Variants in PREX1 observed in about 807,000 individuals in gnomAD.
PREX1 encodes the protein phosphatidylinositol-3,4,5-trisphosphate dependent Rac exchange factor 1, also known as phosphatidylinositol 3,4,5-trisphosphate-dependent Rac exchanger 1 protein.
A neutral mutation model predicts 198.3 loss-of-function variants in PREX1; 41 were observed. The observed-to-expected ratio is 0.21, with a 90% CI of 0.16 to 0.27. The LOEUF (loss-of-function observed/expected upper bound fraction) is 0.27. Among genes scored for constraint, PREX1 ranks in the 10% least tolerant of loss-of-function variants. The pLI, the probability that PREX1 is intolerant of heterozygous loss-of-function variation, is 1.00. For synonymous variants in PREX1, 843 were observed against 887.2 expected (o/e 0.95, Z 0.89); for missense variants, 1,620 against 2,200.7 (o/e 0.74, Z 5.28).
intron 6 of PREX1, among the ~76,000 whole-genome samples, chr20:48,704,515 C>T (rs1568832282): frequency 6.6e-6 from 1 of 151,662 alleles, no homozygotes; most frequent in Non-Finnish European, 1.5e-5. Context: ...AATGGAGTGC[C>T]TTCCTTCCTT....
At chr20:48,869,718 A>T in the PREX1 span, among the ~76,000 whole-genome samples, 4 of 152,224 alleles carry the variant, frequency 2.6e-5, no homozygotes, top group African/African-American at 9.6e-5. Context: ...GCTGGAAGCT[A>T]TCATCCTCAG....
intron 5 of PREX1, among the ~76,000 whole-genome samples, chr20:48,711,396 G>A (rs571796443): frequency 6.6e-6 from 1 of 152,230 alleles, no homozygotes; most frequent in Admixed American, 6.5e-5. Flanking sequence ...TCCCTGAAGT[G>A]GTTTTTGGCA....
At chr20:48,715,382 T>C (rs983031217) in intron 5 of PREX1, among the ~76,000 whole-genome samples, 3 of 152,202 alleles carry the variant, frequency 2.0e-5, no homozygotes, top group African/African-American at 7.2e-5. Flanking sequence ...AATAGAAGTA[T>C]CAATGATAGA....
Position 48,657,207 on chromosome 20 carries a change from G to A in PREX1, c.1975-19C>T, listed in dbSNP as rs991982913. On this transcript the variant is annotated intron_variant, in intron 17 of 39. Coordinates refer to ENST00000371941, the MANE Select transcript of PREX1 (RefSeq NM_020820.4). ...CAGCCACCTGGGTAGGGACGGCAGA[G>A]GACAGACGTGCACACCAGTTACTAA... is the stretch of plus-strand genomic sequence containing the variant. 2 of 1,612,100 alleles carry A rather than the reference G, an allele frequency of 1.2e-6. No individual in the cohort carries two copies. Among genetic ancestry groups the A allele is most frequent in the Non-Finnish European group, 1.7e-6 (2 of 1,178,692 alleles).
At chr20:48,882,509 A>G in the PREX1 span, among the ~76,000 whole-genome samples, 1 of 146,028 alleles carries the variant, frequency 6.8e-6, no homozygotes, top group South Asian at 2.2e-4. Flanking sequence ...CTCAAAAAAA[A>G]AAAAAAAAAA....
In PREX1 at chr20:48,667,303, C is replaced by T. The variant is rs571156387; in HGVS notation, c.1666-948G>A. ...CACAAACCCTAATTTGGCTCAGCTTCCATAATTGTGTCTCTAATACTAGAA... is the reference window on the plus strand; with the variant it reads ...CACAAACCCTAATTTGGCTCAGCTTTCATAATTGTGTCTCTAATACTAGAA... On this transcript the variant is annotated intron_variant, in intron 14 of 39. Transcript: ENST00000371941. 2.0e-5 allele frequency among the ~76,000 whole-genome samples: 3 copies of T among 152,322 alleles called. No individual in the cohort carries two copies. The East Asian group carries it at 5.8e-4, about 29-fold the overall frequency.
chr20:48,645,569 T>C (rs1214166205), intron 26 of PREX1, among the ~76,000 whole-genome samples: 1 of 152,240 alleles, frequency 6.6e-6, no homozygotes, highest in Non-Finnish European at 1.5e-5. Flanking sequence ...CCCTTGTGCC[T>C]GACAACATCG....
intron 30 of PREX1, among the ~76,000 whole-genome samples, chr20:48,638,264 C>G (rs908710842): frequency 1.3e-5 from 2 of 152,100 alleles, no homozygotes; most frequent in African/African-American, 4.8e-5. Context: ...GTGCACTCAT[C>G]TGCAGACTCA....
intron 19 of PREX1, 121 bp from the exon 20 acceptor site, chr20:48,653,618 C>A: frequency 2.3e-6 from 3 of 1,289,480 alleles, no homozygotes; most frequent in South Asian, 1.4e-5. Context: ...ACCTCCACCC[C>A]TCCCACCCCA....
chr20:48,838,600 A>G, the PREX1 span, among the ~76,000 whole-genome samples: 1 of 152,368 alleles, frequency 6.6e-6, no homozygotes, highest in South Asian at 2.1e-4. Flanking sequence ...AAAAATGCTC[A>G]TGATACATAG....
At chr20:48,874,246 C>T in the PREX1 span, among the ~76,000 whole-genome samples, 51 of 152,210 alleles carry the variant, frequency 3.4e-4, 1 homozygote, top group South Asian at 8.9e-3. Flanking sequence ...TTCGAACCCA[C>T]GACTTTCCAA....
chr20:48,848,768 G>C, the PREX1 span, among the ~76,000 whole-genome samples: 1 of 152,040 alleles, frequency 6.6e-6, no homozygotes, highest in Non-Finnish European at 1.5e-5. Flanking sequence ...TTGGAGTCTC[G>C]CTCTGTCGCT....
At chr20:48,718,220 C>T (rs2089970813) in intron 5 of PREX1, among the ~76,000 whole-genome samples, 2 of 151,370 alleles carry the variant, frequency 1.3e-5, no homozygotes, top group Admixed American at 1.3e-4. Context: ...CAAAGAGGCC[C>T]TAGCACGGCT....
upstream of PREX1, among the ~76,000 whole-genome samples, chr20:48,829,481 C>A (rs1224444803): frequency 6.6e-6 from 1 of 152,180 alleles, no homozygotes; most frequent in Non-Finnish European, 1.5e-5. Context: ...TCTCTGACTT[C>A]TTTCTTTGGG....
At chr20:48,818,385 G>C (rs2090467724) in intron 1 of PREX1, among the ~76,000 whole-genome samples, 1 of 152,230 alleles carries the variant, frequency 6.6e-6, no homozygotes, top group African/African-American at 2.4e-5. Context: ...AAGAGGAGCT[G>C]AGAGAGCCAA....
chr20:48,822,960 G>A (rs1184535771), intron 1 of PREX1, among the ~76,000 whole-genome samples: 3 of 152,060 alleles, frequency 2.0e-5, no homozygotes, highest in Non-Finnish European at 4.4e-5. Flanking sequence ...TCTCCCTAGT[G>A]TGAGACTAGG....
intron 33 of PREX1, 120 bp from the exon 34 acceptor site, chr20:48,632,759 G>A (rs1871017907): frequency 9.1e-7 from 1 of 1,101,118 alleles, no homozygotes; most frequent in Non-Finnish European, 1.3e-6. Context: ...GGCACCCTGG[G>A]ACCTCCCTGT....
At chr20:48,662,759 T>C (rs1052710353) in intron 15 of PREX1, among the ~76,000 whole-genome samples, 8 of 152,160 alleles carry the variant, frequency 5.3e-5, no homozygotes, top group South Asian at 2.1e-4. Flanking sequence ...CCCTTTCCTA[T>C]TTTAGCCTAT....
At chr20:48,831,324 G>C (rs572849388), upstream of PREX1, among the ~76,000 whole-genome samples, 1 of 152,180 alleles carries the variant, frequency 6.6e-6, no homozygotes, top group Non-Finnish European at 1.5e-5. Context: ...ACTTAGAAAA[G>C]ACCTGCTTAG....
Sources: allele counts gnomAD v4.1 joint callset (sites outside exome capture counted in the v4.1 genomes callset), GRCh38; gene constraint gnomAD v4.1.1; transcripts MANE v1.5; gene names NCBI Gene and HGNC (gene_info 2026-07-23, HGNC 2026-07-21).